MPP7: variants seen among roughly 807,000 people sequenced by gnomAD.
MPP7 encodes MAGUK p55 scaffold protein 7, also known as MAGUK p55 subfamily member 7.
MPP7 carries 60 observed loss-of-function variants against 76.5 expected under a neutral mutation model. The ratio of observed to expected loss-of-function variants is 0.78; its 90% confidence interval spans 0.64 to 0.97. The LOEUF (loss-of-function observed/expected upper bound fraction) is 0.97, where lower values mean the gene tolerates loss of function less well. Ranked by LOEUF, MPP7 falls within the 50% of genes least tolerant of loss-of-function variation. The pLI is 0.00. For synonymous variants in MPP7, 237 were observed against 244.5 expected (o/e 0.97, Z 0.29); for missense variants, 641 against 694.0 (o/e 0.92, Z 0.86).
rs1835969283 is a variant in MPP7, at chr10:28,154,075, C to T, written c.157-4016G>A. On this transcript the variant is annotated intron_variant, in intron 3 of 16. Coordinates refer to ENST00000683449, the MANE Select transcript of MPP7 (RefSeq NM_001318170.2). The stretch of plus-strand genomic sequence containing the variant: ...CATGTATTTATTTCTGATGCATGAC[C>T]TTGAAATATCACTGGCCACTTTGCT... Among the ~76,000 whole-genome samples the T allele has an allele frequency of 3.9e-5, 6 of 152,266 alleles. 1 individual carries two copies. In the South Asian group the frequency reaches 1.2e-3, roughly 32 times the overall value.
chr10:28,165,499 C>G (rs929250934), intron 3 of MPP7, among the ~76,000 whole-genome samples: 1 of 150,368 alleles, frequency 6.7e-6, no homozygotes, highest in Non-Finnish European at 1.5e-5. Flanking sequence ...GCCCTCCGAC[C>G]TGGGCTATAG....
chr10:28,115,184 C>T (rs936567976), intron 11 of MPP7, among the ~76,000 whole-genome samples: 2 of 152,038 alleles, frequency 1.3e-5, no homozygotes, highest in African/African-American at 4.8e-5. Context: ...CTCACTGCAA[C>T]CTCTGCCTCC....
intron 2 of MPP7, among the ~76,000 whole-genome samples, chr10:28,224,580 A>T (rs1838626610): frequency 6.6e-6 from 1 of 152,180 alleles, no homozygotes; most frequent in Admixed American, 6.5e-5. Flanking sequence ...AAAACATGAT[A>T]ATTTGCTTCC....
chr10:28,291,001 G>A (rs1589033488), intron 1 of MPP7, among the ~76,000 whole-genome samples: 1 of 152,102 alleles, frequency 6.6e-6, no homozygotes, highest in African/African-American at 2.4e-5. Context: ...CTGATGACAC[G>A]ATTTTGTAAA....
At chr10:28,318,329 T>G (rs1483959230) in intron 2 of MPP7, among the ~76,000 whole-genome samples, 2 of 152,214 alleles carry the variant, frequency 1.3e-5, no homozygotes, top group Non-Finnish European at 2.9e-5. Context: ...AGGTCTCCAC[T>G]GAGGCTTGGT....
intron 12 of MPP7, among the ~76,000 whole-genome samples, chr10:28,070,370 G>A (rs1354207498): frequency 6.6e-6 from 1 of 152,180 alleles, no homozygotes; most frequent in East Asian, 1.9e-4. Context: ...CTGCACTCCA[G>A]CCTGGGTGAC....
intron 3 of MPP7, among the ~76,000 whole-genome samples, chr10:28,162,971 G>A (rs1253162532): frequency 6.6e-6 from 1 of 151,882 alleles, no homozygotes; most frequent in Admixed American, 6.6e-5. Flanking sequence ...TACATTGGTT[G>A]GACCCAACTG....
At chr10:28,130,785 T>C (rs377127995) in intron 6 of MPP7, among the ~76,000 whole-genome samples, 1 of 152,232 alleles carries the variant, frequency 6.6e-6, no homozygotes, top group East Asian at 1.9e-4. Context: ...TTTTAAACTT[T>C]AAATTTGTTC....
intron 2 of MPP7, among the ~76,000 whole-genome samples, chr10:28,237,104 T>C (rs1191917093): frequency 6.6e-6 from 1 of 152,242 alleles, no homozygotes; most frequent in Non-Finnish European, 1.5e-5. Context: ...CCTTATAAAC[T>C]ATAAATACTC....
intron 1 of MPP7, among the ~76,000 whole-genome samples, chr10:28,281,444 A>G (rs74764148): frequency 0.014 from 2,147 of 152,188 alleles, 69 homozygotes; most frequent in African/African-American, 0.049. Flanking sequence ...TGTACACACA[A>G]TGAAGTGGTA....
chr10:28,090,762 G>A (rs1588753127), intron 11 of MPP7, among the ~76,000 whole-genome samples: 1 of 152,174 alleles, frequency 6.6e-6, no homozygotes, highest in Non-Finnish European at 1.5e-5. Context: ...AACTTTAACT[G>A]GACTCCAGGG....
intron 3 of MPP7, among the ~76,000 whole-genome samples, chr10:28,196,130 C>A (rs1837573708): frequency 6.6e-6 from 1 of 152,186 alleles, no homozygotes; most frequent in South Asian, 2.1e-4. Context: ...TTATCTGGCA[C>A]CCCTACTCCC....
At chr10:28,083,329 T>A (rs1852850134) in intron 12 of MPP7, among the ~76,000 whole-genome samples, 1 of 152,130 alleles carries the variant, frequency 6.6e-6, no homozygotes, top group Non-Finnish European at 1.5e-5. Flanking sequence ...CATCACCAGA[T>A]CCCACTGTAC....
intron 1 of MPP7, among the ~76,000 whole-genome samples, chr10:28,296,337 G>T (rs1445357692): frequency 2.0e-5 from 3 of 151,984 alleles, no homozygotes. Context: ...CTAAGAACTG[G>T]CAGTGTTCTG....
At chr10:28,092,067 CA>C (rs1853333257) in intron 11 of MPP7, among the ~76,000 whole-genome samples, 2 of 152,002 alleles carry the variant, frequency 1.3e-5, no homozygotes, top group East Asian at 3.9e-4. Context: ...TAACAGGATT[CA>C]AAATAAAGGA....
At chr10:28,074,865 C>T (rs138736322) in intron 12 of MPP7, among the ~76,000 whole-genome samples, 19 of 152,326 alleles carry the variant, frequency 1.2e-4, no homozygotes, top group African/African-American at 4.3e-4. Context: ...CTAATATCTT[C>T]AACTCTTTTA....
At chr10:28,163,964 C>T (rs1836355546) in intron 3 of MPP7, among the ~76,000 whole-genome samples, 2 of 149,180 alleles carry the variant, frequency 1.3e-5, no homozygotes, top group East Asian at 2.0e-4. Flanking sequence ...ACCAGAGGAA[C>T]GATGCTGCCA....
At chr10:28,246,957 C>G (rs1034245161) in intron 1 of MPP7, among the ~76,000 whole-genome samples, 1 of 152,160 alleles carries the variant, frequency 6.6e-6, no homozygotes, top group Admixed American at 6.5e-5. Flanking sequence ...CAGTACCCCA[C>G]CAACATGTGA....
At position 28,187,866 on chromosome 10, in the gene MPP7, G is replaced by A. The variant is rs551159514; in HGVS notation, c.156+14287C>T. Among the ~76,000 whole-genome samples the A allele has an allele frequency of 5.3e-5, 8 of 152,216 alleles. No individual in the cohort carries two copies. In the South Asian group the frequency reaches 1.2e-3, roughly 24 times the overall value. On this transcript the variant is annotated intron_variant, in intron 3 of 16. Coordinates refer to ENST00000683449, the MANE Select transcript of MPP7 (RefSeq NM_001318170.2). ...CTTTTTAAAATACCTTGACTGGATC[G>A]ATTATCCTGGAAATAACTACTTTCT...
Sources: allele counts gnomAD v4.1 joint callset (sites outside exome capture counted in the v4.1 genomes callset), GRCh38; gene constraint gnomAD v4.1.1; transcripts MANE v1.5; gene names NCBI Gene and HGNC (gene_info 2026-07-23, HGNC 2026-07-21).